The following MAOB variants were observed in gnomAD, a reference collection of about 807,000 sequenced individuals.
MAOB encodes the protein amine oxidase [flavin-containing] B.
Under a neutral mutation model 41.9 loss-of-function variants are expected in MAOB, and 15 were observed. That is an observed-to-expected ratio of 0.36 (90% CI 0.24 to 0.55). The LOEUF is 0.55. Ranked by LOEUF, MAOB falls within the 20% of genes least tolerant of loss-of-function variation. The pLI, the probability that MAOB is intolerant of heterozygous loss-of-function variation, is 0.86. For synonymous variants in MAOB, 167 were observed against 144.2 expected, an observed-to-expected ratio of 1.16 and a Z score of -1.13; for missense variants, 345 against 398.7, an observed-to-expected ratio of 0.87 and a Z score of 1.15.
intron 1 of MAOB, among the ~76,000 whole-genome samples, chrX:43,867,303 C>T (rs544113245): frequency 5.3e-4 from 59 of 111,711 alleles, no homozygotes; most frequent in African/African-American, 1.8e-3. Context: ...GGAGCACTAG[C>T]GATTTAGGAG....
chrX:43,778,599 C>T (rs899243181), intron 11 of MAOB, 83 bp downstream of exon 11: 6 of 782,881 alleles, frequency 7.7e-6, no homozygotes, highest in Non-Finnish European at 1.1e-5. Flanking sequence ...CAGGACCCAA[C>T]TTGCATTAAC....
intron 3 of MAOB, among the ~76,000 whole-genome samples, chrX:43,810,874 G>C (rs191620062): frequency 1.8e-5 from 2 of 111,871 alleles, no homozygotes; most frequent in Non-Finnish European, 3.8e-5. Flanking sequence ...ATTGCTGATG[G>C]TTTTGTGATC....
intron 3 of MAOB, among the ~76,000 whole-genome samples, chrX:43,812,686 A>AT (rs1336356345): frequency 2.7e-5 from 3 of 112,380 alleles, no homozygotes; most frequent in Non-Finnish European, 5.6e-5. Context: ...TAATTATTAG[A>AT]TTTTTTTCTT....
intron 6 of MAOB, among the ~76,000 whole-genome samples, chrX:43,796,611 G>A (rs1326601856): frequency 1.8e-5 from 2 of 110,887 alleles, no homozygotes; most frequent in Admixed American, 9.7e-5. Flanking sequence ...AAGAGGAGGA[G>A]GGGGAGAGAG....
rs752869819 is a variant in MAOB at position 43,865,560 on chromosome X, G to A, written c.46+16694C>T. On this transcript the variant is annotated intron_variant, in intron 1 of 14. Transcript: ENST00000378069. ...TACATTTGAAATGGGTGAATTGTATGTGAATAATATCTCAACAAAGCTATT... is the reference window on the plus strand; with the variant it reads ...TACATTTGAAATGGGTGAATTGTATATGAATAATATCTCAACAAAGCTATT... Among the ~76,000 whole-genome samples, 6 of 111,933 alleles carry A rather than the reference G, an allele frequency of 5.4e-5. No individual in the cohort carries two copies. In the East Asian group the frequency reaches 1.7e-3, roughly 31 times the overall value.
intron 3 of MAOB, among the ~76,000 whole-genome samples, chrX:43,829,284 G>T (rs748997319): frequency 1.8e-5 from 2 of 112,173 alleles, no homozygotes; most frequent in South Asian, 7.5e-4. Context: ...TTTACTTGTT[G>T]GACTTTTCTC....
intron 9 of MAOB, 101 bp downstream of exon 9, chrX:43,781,345 TAA>T: frequency 5.5e-6 from 2 of 363,237 alleles, no homozygotes; most frequent in Non-Finnish European, 8.9e-6. Flanking sequence ...TACCACTGGG[TAA>T]AAAAAAAATC....
intron 1 of MAOB, among the ~76,000 whole-genome samples, chrX:43,873,332 G>A (rs1033127669): frequency 1.8e-5 from 2 of 111,411 alleles, no homozygotes; most frequent in South Asian, 3.8e-4. Flanking sequence ...CATTAAAAAT[G>A]TTGGAGAGGT....
At chrX:43,841,737 A>C (rs1450797630) in intron 2 of MAOB, among the ~76,000 whole-genome samples, 4 of 112,175 alleles carry the variant, frequency 3.6e-5, no homozygotes, top group Non-Finnish European at 1.9e-5. Flanking sequence ...CAGGATAGAA[A>C]GCTCAAAAAT....
At chrX:43,811,350 A>C (rs1206909986) in intron 3 of MAOB, among the ~76,000 whole-genome samples, 1 of 111,242 alleles carries the variant, frequency 9.0e-6, no homozygotes, top group Non-Finnish European at 1.9e-5. Flanking sequence ...TCCTTCTCAG[A>C]TTCAGTTCCT....
chrX:43,824,853 C>T (rs186223153), intron 3 of MAOB, among the ~76,000 whole-genome samples: 13 of 113,239 alleles, frequency 1.1e-4, no homozygotes, highest in East Asian at 8.4e-4. Context: ...TGCACACACA[C>T]GCACACATGC....
chrX:43,782,138 C>T (rs2034341512), intron 8 of MAOB, among the ~76,000 whole-genome samples: 1 of 110,743 alleles, frequency 9.0e-6, no homozygotes, highest in Non-Finnish European at 1.9e-5. Context: ...TAACTAAGAT[C>T]AGAGCAGAAC....
intron 5 of MAOB, among the ~76,000 whole-genome samples, chrX:43,799,787 T>C (rs964350922): frequency 9.0e-6 from 1 of 111,686 alleles, no homozygotes; most frequent in African/African-American, 3.2e-5. Flanking sequence ...ATTTATAAGA[T>C]AAAAGGATGA....
At chrX:43,788,268 C>T (rs758024430) in intron 8 of MAOB, among the ~76,000 whole-genome samples, 41 of 111,286 alleles carry the variant, frequency 3.7e-4, no homozygotes, top group African/African-American at 1.2e-3. Context: ...GGGAGGAGGA[C>T]GGCACCAAGA....
chrX:43,872,508 C>T (rs752071381), intron 1 of MAOB, among the ~76,000 whole-genome samples: 1 of 111,202 alleles, frequency 9.0e-6, no homozygotes, highest in South Asian at 3.8e-4. Context: ...TTATTAAATG[C>T]CTTAAAAGAA....
In MAOB at chrX:43,816,884, G is replaced by A. The variant is rs188730090; in HGVS notation, c.280-13480C>T. ...AGGCTGGTGGTTGCTAGGCTACCCT[G>A]AGGAAAGAGATCCACATTTCTATGT... On this transcript the variant is annotated intron_variant, in intron 3 of 14. Coordinates refer to ENST00000378069, the MANE Select transcript of MAOB (RefSeq NM_000898.5). 5.4e-5 allele frequency among the ~76,000 whole-genome samples: 6 copies of A among 111,416 alleles called. No individual in the cohort carries two copies. The East Asian group carries it at 1.4e-3, about 26-fold the overall frequency.
chrX:43,798,552 A>G (rs901228076), intron 5 of MAOB, among the ~76,000 whole-genome samples: 1 of 111,832 alleles, frequency 8.9e-6, no homozygotes, highest in African/African-American at 3.2e-5. Flanking sequence ...GTTATCACCT[A>G]TCAGGAAGCA....
chrX:43,797,108 G>A lies in MAOB; in HGVS notation c.618+17C>T. 8.4e-7 allele frequency: 1 copy of A among 1,196,563 alleles called. No individual in the cohort carries two copies. Among genetic ancestry groups the A allele is most frequent in the Non-Finnish European group, 1.1e-6 (1 of 887,191 alleles). ...GCAGTGTTTTTCCATTGGGACTGTG[G>A]AAGAATGGATGGGTACCTGTCCTCC... is the stretch of plus-strand genomic sequence containing the variant. On this transcript the variant is annotated intron_variant, in intron 6 of 14. Transcript: ENST00000378069.
At chrX:43,776,961 A>C (rs989126011) in intron 11 of MAOB, among the ~76,000 whole-genome samples, 1 of 111,301 alleles carries the variant, frequency 9.0e-6, no homozygotes, top group Admixed American at 9.5e-5. Context: ...ATGGCTGCAT[A>C]GTATTCCATG....
Sources: allele counts gnomAD v4.1 joint callset (sites outside exome capture counted in the v4.1 genomes callset), GRCh38; gene constraint gnomAD v4.1.1; transcripts MANE v1.5; gene names NCBI Gene and HGNC (gene_info 2026-07-23, HGNC 2026-07-21).